The following SLC7A11 variants were observed in gnomAD, a reference collection of about 807,000 sequenced individuals.
The protein encoded by SLC7A11 is solute carrier family 7 member 11, also known as cystine/glutamate transporter.
SLC7A11 carries 35 observed loss-of-function variants against 54.5 expected under a neutral mutation model. The ratio of observed to expected loss-of-function variants is 0.64; its 90% CI spans 0.49 to 0.85. The LOEUF is 0.85. Among genes scored for constraint, SLC7A11 ranks in the 40% least tolerant of loss-of-function variants. The pLI, the probability that SLC7A11 is intolerant of heterozygous loss-of-function variation, is 0.00. For synonymous variants in SLC7A11, 230 were observed against 225.2 expected (o/e 1.02, Z -0.19); for missense variants, 583 against 618.1 (o/e 0.94, Z 0.60).
intron 4 of SLC7A11, among the ~76,000 whole-genome samples, chr4:138,219,723 CTT>C (rs1368693506): frequency 6.6e-6 from 1 of 152,052 alleles, no homozygotes; most frequent in Non-Finnish European, 1.5e-5. Context: ...AGATAGAATT[CTT>C]AAAAAGATAA....
intron 6 of SLC7A11, among the ~76,000 whole-genome samples, chr4:138,205,663 A>C (rs781051542): frequency 8.3e-4 from 126 of 152,066 alleles, no homozygotes; most frequent in Non-Finnish European, 1.6e-3. Flanking sequence ...TGTAAGCTTT[A>C]TTTGTGAACC....
In SLC7A11 at chr4:138,199,883, C is replaced by A. The variant is rs552803664; in HGVS notation, c.792-14639G>T. The stretch of plus-strand genomic sequence containing the variant: ...TTGAGTTCAATTTCTAGTGGCTTTC[C>A]CCCAACATTTGCCACTTGATCACTT... On this transcript the variant is annotated intron_variant, in intron 6 of 11. Coordinates refer to ENST00000280612, the MANE Select transcript of SLC7A11 (RefSeq NM_014331.4). Among the ~76,000 whole-genome samples the A allele has an allele frequency of 3.3e-5, 5 of 152,232 alleles. No individual in the cohort carries two copies. The South Asian group carries it at 8.3e-4, about 25-fold the overall frequency.
chr4:138,174,524 A>G (rs1482278772), intron 11 of SLC7A11: 5 of 152,192 alleles, frequency 3.3e-5, no homozygotes, highest in Non-Finnish European at 7.3e-5. Flanking sequence ...ATTGATTTTG[A>G]CCATGAGTAC....
rs1263951618 is a variant in SLC7A11, at chr4:138,182,366, A to T, written c.1047T>A (p.Gly349=). 3 of 1,610,778 alleles carry T rather than the reference A, an allele frequency of 1.9e-6. No individual in the cohort carries two copies. The African/African-American group carries it at 4.0e-5, about 22-fold the overall frequency. ...SRLFYVASRE[G]HLPEILSMIH... Reference sequence around the variant, plus strand: ...TCATGGAGAGGATTTCTGGAAGGTGACCCTCTCGAGACGCAACATAGAATA... The same window carrying T: ...TCATGGAGAGGATTTCTGGAAGGTGTCCCTCTCGAGACGCAACATAGAATA... Residue 349 remains glycine, a synonymous_variant, in exon 9 of 12, where the codon GGT becomes GGA. Transcript: ENST00000280612.
chr4:138,237,025 G>A (rs1467542908), intron 1 of SLC7A11, among the ~76,000 whole-genome samples: 2 of 122,356 alleles, frequency 1.6e-5, no homozygotes, highest in Admixed American at 1.1e-4. Context: ...TCACTCTGTC[G>A]CCCAAGCTGG....
At chr4:138,198,283 T>G (rs1737188988) in intron 6 of SLC7A11, among the ~76,000 whole-genome samples, 1 of 152,108 alleles carries the variant, frequency 6.6e-6, no homozygotes, top group Non-Finnish European at 1.5e-5. Flanking sequence ...CCACAAGTTT[T>G]GTAAGCTGTG....
chr4:138,189,125 G>A (rs1435114957), intron 6 of SLC7A11, among the ~76,000 whole-genome samples: 2 of 152,106 alleles, frequency 1.3e-5, no homozygotes, highest in Non-Finnish European at 2.9e-5. Context: ...TTGTTAAATG[G>A]AAATCTCTAA....
chr4:138,188,466 G>A (rs1414931201), intron 6 of SLC7A11, among the ~76,000 whole-genome samples: 2 of 152,176 alleles, frequency 1.3e-5, no homozygotes, highest in Non-Finnish European at 2.9e-5. Flanking sequence ...AGGGAAGGGG[G>A]TGGGGAGGTT....
At chr4:138,199,451 G>T (rs1207116098) in intron 6 of SLC7A11, among the ~76,000 whole-genome samples, 1 of 152,012 alleles carries the variant, frequency 6.6e-6, no homozygotes, top group Non-Finnish European at 1.5e-5. Context: ...TTGACTAAAT[G>T]GATCATCGAC....
At chr4:138,203,403 C>T (rs893397618) in intron 6 of SLC7A11, among the ~76,000 whole-genome samples, 3 of 151,712 alleles carry the variant, frequency 2.0e-5, no homozygotes, top group Non-Finnish European at 4.4e-5. Flanking sequence ...AATTAAATCC[C>T]ATTTGTTCTT....
intron 6 of SLC7A11, among the ~76,000 whole-genome samples, chr4:138,194,080 T>A (rs971800223): frequency 1.3e-5 from 2 of 151,952 alleles, no homozygotes; most frequent in African/African-American, 2.4e-5. Flanking sequence ...GGACATGACA[T>A]AGCAGCTGAA....
chr4:138,191,782 G>A (rs1341077412), intron 6 of SLC7A11, among the ~76,000 whole-genome samples: 2 of 151,918 alleles, frequency 1.3e-5, no homozygotes, highest in African/African-American at 4.8e-5. Context: ...AATTTGCATT[G>A]TCTGCATCTC....
At chr4:138,195,183 A>G (rs980888593) in intron 6 of SLC7A11, among the ~76,000 whole-genome samples, 2 of 152,190 alleles carry the variant, frequency 1.3e-5, no homozygotes, top group East Asian at 1.9e-4. Context: ...ACTCTTCTGC[A>G]TTCTAAAAAG....
intron 1 of SLC7A11, among the ~76,000 whole-genome samples, chr4:138,238,135 A>G (rs1738285600): frequency 1.3e-5 from 2 of 152,122 alleles, no homozygotes; most frequent in Non-Finnish European, 2.9e-5. Context: ...AATTTTTAAC[A>G]TTTAACGATA....
At chr4:138,218,487 A>C (rs6848356) in intron 5 of SLC7A11, among the ~76,000 whole-genome samples, 50,903 of 152,076 alleles carry the variant, frequency 0.33, 9,229 homozygotes, top group East Asian at 0.47. Flanking sequence ...AGGTCAATAA[A>C]ATTTACTGAA....
intron 3 of SLC7A11, among the ~76,000 whole-genome samples, chr4:138,225,138 CTATATATATATA>C (rs36216785): frequency 0.017 from 1,963 of 118,316 alleles, 55 homozygotes; most frequent in African/African-American, 0.053. Context: ...AATAATTTCA[CTATATATATATA>C]TATATATATA....
chr4:138,237,055 G>A (rs1185936905), intron 1 of SLC7A11, among the ~76,000 whole-genome samples: 4 of 138,528 alleles, frequency 2.9e-5, no homozygotes, highest in African/African-American at 1.1e-4. Context: ...GCGCGATCTC[G>A]GCTCACTGCA....
chr4:138,207,628 C>T (rs986619992), intron 6 of SLC7A11, among the ~76,000 whole-genome samples: 4 of 152,068 alleles, frequency 2.6e-5, no homozygotes, highest in African/African-American at 9.7e-5. Flanking sequence ...TCACTTGAAC[C>T]TGGGAGGTGG....
At chr4:138,236,928 G>A (rs1738221756) in intron 1 of SLC7A11, among the ~76,000 whole-genome samples, 1 of 150,024 alleles carries the variant, frequency 6.7e-6, no homozygotes, top group African/African-American at 2.4e-5. Flanking sequence ...AAATCAAAAT[G>A]AACAAGCTGT....
Sources: allele counts gnomAD v4.1 joint callset (sites outside exome capture counted in the v4.1 genomes callset), GRCh38; gene constraint gnomAD v4.1.1; transcripts MANE v1.5; gene names NCBI Gene and HGNC (gene_info 2026-07-23, HGNC 2026-07-21).